Variants in ENTREP2 observed in about 807,000 individuals in gnomAD.
ENTREP2 encodes the protein protein ENTREP2.
chr15:29,595,275 A>C, the ENTREP2 span, among the ~76,000 whole-genome samples: 2 of 151,962 alleles, frequency 1.3e-5, no homozygotes, highest in African/African-American at 4.8e-5. Flanking sequence ...AAATAAAATA[A>C]AATAAGCTTT....
chr15:29,304,448 G>T, the ENTREP2 span, among the ~76,000 whole-genome samples: 2 of 152,114 alleles, frequency 1.3e-5, no homozygotes, highest in Non-Finnish European at 2.9e-5. Context: ...CACACTATCA[G>T]ACCACAGTGC....
the ENTREP2 span, among the ~76,000 whole-genome samples, chr15:29,470,515 G>A: frequency 5.4e-4 from 82 of 152,340 alleles, 1 homozygote; most frequent in African/African-American, 1.9e-3. Flanking sequence ...CGGACAACCA[G>A]GGCCCATCCT....
At chr15:29,340,017 G>A in the ENTREP2 span, among the ~76,000 whole-genome samples, 1 of 152,208 alleles carries the variant, frequency 6.6e-6, no homozygotes, top group Non-Finnish European at 1.5e-5. Context: ...TAGTATTTGT[G>A]TTAGGATAAG....
chr15:29,411,862 C>T, the ENTREP2 span, among the ~76,000 whole-genome samples: 5 of 152,202 alleles, frequency 3.3e-5, no homozygotes, highest in Non-Finnish European at 7.3e-5. Context: ...TTATGGTAGA[C>T]TCCCTGAATT....
chr15:29,378,862 A>G, the ENTREP2 span, among the ~76,000 whole-genome samples: 6 of 152,048 alleles, frequency 3.9e-5, no homozygotes, highest in Non-Finnish European at 7.4e-5. Flanking sequence ...TGTTTTTCTA[A>G]AGCACCCTAA....
the ENTREP2 span, among the ~76,000 whole-genome samples, chr15:29,290,123 ACCACCACAATGGT>A: frequency 6.6e-6 from 1 of 151,902 alleles, no homozygotes; most frequent in African/African-American, 2.4e-5. Context: ...TCCTCACCTC[ACCACCACAATGGT>A]CCTCAAAAAA....
the ENTREP2 span, among the ~76,000 whole-genome samples, chr15:29,634,935 T>C: frequency 2.0e-5 from 3 of 152,122 alleles, no homozygotes; most frequent in Non-Finnish European, 2.9e-5. Context: ...CTCCCCGTGT[T>C]CAGCCATCCA....
At chr15:29,455,269 T>C in the ENTREP2 span, among the ~76,000 whole-genome samples, 4 of 152,030 alleles carry the variant, frequency 2.6e-5, no homozygotes, top group South Asian at 2.1e-4. Context: ...ATACTAACCA[T>C]GTGAGGCCAT....
At chr15:29,224,197 C>G in the ENTREP2 span, among the ~76,000 whole-genome samples, 1 of 152,004 alleles carries the variant, frequency 6.6e-6, no homozygotes, top group Non-Finnish European at 1.5e-5. Flanking sequence ...AGTGTTACAG[C>G]TCTCAAATCG....
the ENTREP2 span, among the ~76,000 whole-genome samples, chr15:29,439,147 C>T: frequency 1.3e-4 from 20 of 152,002 alleles, no homozygotes; most frequent in Admixed American, 4.6e-4. Context: ...AGGCTTCAGA[C>T]GATCCAATCA....
chr15:29,302,910 T>C, the ENTREP2 span, among the ~76,000 whole-genome samples: 1 of 152,168 alleles, frequency 6.6e-6, no homozygotes, highest in African/African-American at 2.4e-5. Flanking sequence ...TGGAATTGAT[T>C]CTAATGCTGC....
the ENTREP2 span, among the ~76,000 whole-genome samples, chr15:29,320,062 G>GT: frequency 2.0e-5 from 3 of 152,172 alleles, no homozygotes; most frequent in African/African-American, 7.2e-5. Context: ...GGGGGAAGGC[G>GT]TTTTCCTGAC....
chr15:29,333,916 T>C, the ENTREP2 span, among the ~76,000 whole-genome samples: 3 of 150,412 alleles, frequency 2.0e-5, no homozygotes, highest in African/African-American at 7.3e-5. Flanking sequence ...GCCATGTGAA[T>C]AGGAGGCAGA....
chr15:29,563,618 G>A, the ENTREP2 span, among the ~76,000 whole-genome samples: 10 of 152,090 alleles, frequency 6.6e-5, no homozygotes, highest in African/African-American at 2.4e-4. Flanking sequence ...GACCACCTGA[G>A]GTCAGCAGTT....
chr15:29,248,174 A>C, the ENTREP2 span, among the ~76,000 whole-genome samples: 2 of 152,204 alleles, frequency 1.3e-5, no homozygotes, highest in Non-Finnish European at 2.9e-5. Context: ...GTAAACTACT[A>C]AACTGTTTAG....
the ENTREP2 span, among the ~76,000 whole-genome samples, chr15:29,591,834 GAA>G: frequency 9.3e-4 from 9 of 9,654 alleles, no homozygotes; most frequent in African/African-American, 1.4e-3. Flanking sequence ...TCTCAAAAGA[GAA>G]GAAGAAGAAG....
At chr15:29,448,687 G>A in the ENTREP2 span, among the ~76,000 whole-genome samples, 1 of 152,126 alleles carries the variant, frequency 6.6e-6, no homozygotes, top group African/African-American at 2.4e-5. Flanking sequence ...TAATAATACA[G>A]TTCACATGCA....
At chr15:29,182,900 T>A in the ENTREP2 span, among the ~76,000 whole-genome samples, 1 of 152,112 alleles carries the variant, frequency 6.6e-6, no homozygotes, top group South Asian at 2.1e-4. Context: ...GGTGCTGTAA[T>A]AATTGATGAC....
the ENTREP2 span, among the ~76,000 whole-genome samples, chr15:29,434,927 T>C: frequency 6.6e-6 from 1 of 152,158 alleles, no homozygotes; most frequent in Admixed American, 6.5e-5. Flanking sequence ...AGACTCGAGT[T>C]TCTCAAAATG....
Sources: allele counts gnomAD v4.1 joint callset (sites outside exome capture counted in the v4.1 genomes callset), GRCh38; gene constraint gnomAD v4.1.1; transcripts MANE v1.5; gene names NCBI Gene and HGNC (gene_info 2026-07-23, HGNC 2026-07-21).